CCDC93: variants seen among roughly 807,000 people sequenced by gnomAD.
CCDC93 encodes coiled-coil domain-containing protein 93.
CCDC93 carries 61 observed loss-of-function variants against 108.2 expected under a neutral mutation model. The observed-to-expected ratio is 0.56, with a 90% CI of 0.46 to 0.70. CCDC93 has a LOEUF of 0.70. Ranked by LOEUF, CCDC93 falls within the 30% of genes least tolerant of loss-of-function variation. The pLI, the probability that CCDC93 is intolerant of heterozygous loss-of-function variation, is 0.00. For synonymous variants in CCDC93, 276 were observed against 260.4 expected (o/e 1.06, Z -0.58); for missense variants, 685 against 764.2 (o/e 0.90, Z 1.22).
At chr2:118,005,523 A>G (rs1676839837) in intron 3 of CCDC93, among the ~76,000 whole-genome samples, 1 of 152,188 alleles carries the variant, frequency 6.6e-6, no homozygotes, top group South Asian at 2.1e-4. Flanking sequence ...CAGGAGGCCA[A>G]GGCGAGAGGA....
intron 7 of CCDC93, among the ~76,000 whole-genome samples, chr2:117,982,767 T>A: frequency 1.2e-5 from 1 of 84,550 alleles, no homozygotes; most frequent in South Asian, 3.4e-4. Flanking sequence ...GGGGGGGGGG[T>A]GCGTGAGGAA....
At chr2:117,930,735 T>C (rs957616670) in intron 23 of CCDC93, 1 of 213,564 alleles carries the variant, frequency 4.7e-6, no homozygotes. Context: ...AAATGCTGTT[T>C]CCAAGTGGCC....
At position 117,919,477 on chromosome 2, in the gene CCDC93, GTCTA is replaced by G. The variant is rs560228062; in HGVS notation, c.*862_*865del. On this transcript the variant is annotated 3_prime_UTR_variant, in exon 24 of 24. Coordinates refer to ENST00000376300, the MANE Select transcript of CCDC93 (RefSeq NM_019044.5). ...ACTTGCCTTGAGTGCAGGGAACAGTGTCTATCTCTCTCCTGGCTCAGACCATGAC... is the reference window on the plus strand; with the variant it reads ...ACTTGCCTTGAGTGCAGGGAACAGTGTCTCTCTCCTGGCTCAGACCATGAC... 4 of 152,170 alleles carry G rather than the reference GTCTA, an allele frequency of 2.6e-5. No individual in the cohort carries two copies. The highest frequency in any genetic ancestry group is 4.8e-5 in the African/African-American group (2 of 41,420). 9.4% of individuals were successfully genotyped at this position (152,170 alleles called of 1,614,324 possible). A position where few individuals can be genotyped will look rare whatever the true frequency, so the allele number is the denominator to read the frequency against.
chr2:117,979,520 G>T (rs916481048), intron 7 of CCDC93, among the ~76,000 whole-genome samples: 1 of 152,140 alleles, frequency 6.6e-6, no homozygotes, highest in Non-Finnish European at 1.5e-5. Flanking sequence ...TCTCCTGAGG[G>T]CAAAGATTCT....
chr2:117,923,252 G>T (rs1677943731), intron 23 of CCDC93, among the ~76,000 whole-genome samples: 1 of 152,166 alleles, frequency 6.6e-6, no homozygotes, highest in South Asian at 2.1e-4. Context: ...TCACTGGGGA[G>T]TGTCAGAAAG....
intron 11 of CCDC93, among the ~76,000 whole-genome samples, chr2:117,964,014 T>A (rs1262042072): frequency 2.6e-5 from 4 of 152,222 alleles, no homozygotes; most frequent in African/African-American, 9.7e-5. Context: ...TGTATACTAA[T>A]TACGTAAGAG....
chr2:117,928,665 C>A (rs548007544), intron 23 of CCDC93, among the ~76,000 whole-genome samples: 1 of 152,160 alleles, frequency 6.6e-6, no homozygotes, highest in East Asian at 1.9e-4. Context: ...GTTGGTGGGA[C>A]TGTAAACTAG....
intron 1 of CCDC93, among the ~76,000 whole-genome samples, chr2:118,013,431 G>A (rs1366487643): frequency 1.3e-5 from 2 of 151,552 alleles, no homozygotes; most frequent in Non-Finnish European, 2.9e-5. Context: ...CCCGGCCCGG[G>A]TCCACGCAAG....
At chr2:117,936,341 A>G (rs1262607322) in intron 21 of CCDC93, among the ~76,000 whole-genome samples, 5 of 152,230 alleles carry the variant, frequency 3.3e-5, no homozygotes, top group Non-Finnish European at 7.3e-5. Context: ...TGAGATTTAA[A>G]AAATCTAAAA....
At chr2:117,998,896 C>T (rs574538148) in intron 4 of CCDC93, 1 of 152,276 alleles carries the variant, frequency 6.6e-6, no homozygotes. Flanking sequence ...GACAGAAAGG[C>T]TAACAAACAT....
At chr2:117,930,254 G>A (rs1459532890) in intron 23 of CCDC93, among the ~76,000 whole-genome samples, 1 of 152,202 alleles carries the variant, frequency 6.6e-6, no homozygotes, top group African/African-American at 2.4e-5. Flanking sequence ...TAACTCTGCT[G>A]TATTTTCAGC....
At chr2:117,929,842 T>G (rs1678266872) in intron 23 of CCDC93, among the ~76,000 whole-genome samples, 1 of 152,228 alleles carries the variant, frequency 6.6e-6, no homozygotes, top group Non-Finnish European at 1.5e-5. Flanking sequence ...TTCCGATGGC[T>G]AGGTCCTGCT....
chr2:117,933,597 A>G (rs1678419643), intron 22 of CCDC93, among the ~76,000 whole-genome samples: 1 of 152,068 alleles, frequency 6.6e-6, no homozygotes, highest in Non-Finnish European at 1.5e-5. Context: ...CTGGTCTACT[A>G]TGTAACACTC....
intron 6 of CCDC93, 97 bp downstream of exon 6, chr2:117,995,349 T>C (rs1384690599): frequency 8.3e-6 from 8 of 959,744 alleles, no homozygotes; most frequent in African/African-American, 1.6e-5. Context: ...GCGATCCCCG[T>C]AGATGGAAGC....
intron 6 of CCDC93, among the ~76,000 whole-genome samples, chr2:117,987,034 T>TAA (rs34625797): frequency 1.6e-5 from 2 of 127,698 alleles, no homozygotes; most frequent in African/African-American, 3.0e-5. Context: ...ATTCTTCTAT[T>TAA]AAAAAAAAAA....
chr2:117,983,353 C>T (rs953282793), intron 7 of CCDC93, among the ~76,000 whole-genome samples: 5 of 152,124 alleles, frequency 3.3e-5, no homozygotes, highest in Non-Finnish European at 7.4e-5. Context: ...GTGGTTTTCC[C>T]CCCACACAAT....
At chr2:117,935,701 C>T (rs916993028) in intron 21 of CCDC93, 122 bp from the exon 22 acceptor site, 19 of 632,666 alleles carry the variant, frequency 3.0e-5, no homozygotes, top group African/African-American at 1.1e-4. Flanking sequence ...GTCTTTGTAA[C>T]GCACAGTGGA....
chr2:117,972,198 C>T (rs1558789212), intron 11 of CCDC93, among the ~76,000 whole-genome samples: 1 of 152,160 alleles, frequency 6.6e-6, no homozygotes. Flanking sequence ...CTGTGTTGAT[C>T]AAGAATCAAC....
At chr2:117,968,884 T>C (rs1163223803) in intron 11 of CCDC93, among the ~76,000 whole-genome samples, 1 of 152,192 alleles carries the variant, frequency 6.6e-6, no homozygotes, top group Non-Finnish European at 1.5e-5. Flanking sequence ...CAATCCCATC[T>C]CTATTTCCAA....
Sources: gnomAD v4.1 joint callset for allele counts (sites outside exome capture counted in the v4.1 genomes callset) on GRCh38, gnomAD v4.1.1 for gene constraint, MANE v1.5 for transcripts, NCBI Gene and HGNC (gene_info 2026-07-23, HGNC 2026-07-21) for gene names.